SLC45A4: variants seen among roughly 807,000 people sequenced by gnomAD.
SLC45A4 encodes the protein solute carrier family 45 member 4.
In SLC45A4, 32 loss-of-function variants were observed where a neutral mutation model predicts 63.7. The observed-to-expected ratio is 0.50, with a 90% CI of 0.38 to 0.67. The LOEUF (loss-of-function observed/expected upper bound fraction) is 0.67, where lower values mean the gene tolerates loss of function less well. Ranked by LOEUF, SLC45A4 falls within the 30% of genes least tolerant of loss-of-function variation. The pLI is 0.00. For missense variants in SLC45A4, 1,027 were observed against 1,157.7 expected, an observed-to-expected ratio of 0.89 and a Z score of 1.64; for synonymous variants, 535 against 510.0, an observed-to-expected ratio of 1.05 and a Z score of -0.66.
At chr8:141,257,566 C>CGTCTCTGTTCCTAAGAG (rs1828852640) in intron 1 of SLC45A4, among the ~76,000 whole-genome samples, 1 of 152,196 alleles carries the variant, frequency 6.6e-6, no homozygotes, top group Admixed American at 6.5e-5. Context: ...GAAGTGAAGC[C>CGTCTCTGTTCCTAAGAG]GTCTCTGTTC....
At chr8:141,248,719 T>TA (rs915696778) in intron 2 of SLC45A4, among the ~76,000 whole-genome samples, 10 of 151,582 alleles carry the variant, frequency 6.6e-5, no homozygotes, top group African/African-American at 1.5e-4. Flanking sequence ...TAAGAATATA[T>TA]AAAAAAACAA....
chr8:141,250,648 G>A (rs1828419070), intron 2 of SLC45A4, among the ~76,000 whole-genome samples: 1 of 152,192 alleles, frequency 6.6e-6, no homozygotes, highest in Non-Finnish European at 1.5e-5. Flanking sequence ...CCAAAGTGTT[G>A]GGATTATAGG....
At chr8:141,258,410 C>T (rs1358806354) in intron 1 of SLC45A4, among the ~76,000 whole-genome samples, 2 of 152,236 alleles carry the variant, frequency 1.3e-5, no homozygotes, top group Non-Finnish European at 2.9e-5. Flanking sequence ...TGGTATTTCT[C>T]AGCACCTTGT....
At chr8:141,216,087 G>T in intron 6 of SLC45A4, 117 bp from the exon 7 acceptor site, 1 of 922,248 alleles carries the variant, frequency 1.1e-6, no homozygotes, top group Non-Finnish European at 1.7e-6. Flanking sequence ...CCTTCCAGCT[G>T]AACCCAGACC....
In SLC45A4 at chr8:141,278,782, T is replaced by TG. The variant is rs1289711069; in HGVS notation, c.-400-24154dup. The stretch of plus-strand genomic sequence containing the variant: ...AGGCACAGACGCACCCGCAAGGGAG[T>TG]GGGCAGCACTGCAGGATGCAGCAAG... On this transcript the variant is annotated intron_variant, in intron 1 of 8. Transcript: ENST00000517878. The surrounding 1 kb of genome is among the most constrained non-coding windows in gnomAD (Gnocchi z 4.1). Among the ~76,000 whole-genome samples the TG allele has an allele frequency of 6.6e-6, 1 of 152,164 alleles. No homozygotes were observed. The highest frequency in any genetic ancestry group is 1.5e-5 in the Non-Finnish European group (1 of 68,022).
At chr8:141,245,913 G>A (rs1318816154) in intron 2 of SLC45A4, among the ~76,000 whole-genome samples, 11 of 152,198 alleles carry the variant, frequency 7.2e-5, no homozygotes, top group Admixed American at 7.2e-4. Context: ...TTAGCTGGCT[G>A]CTCCTAGATT....
At chr8:141,305,120 T>G (rs1181427337) in intron 1 of SLC45A4, among the ~76,000 whole-genome samples, 4 of 152,240 alleles carry the variant, frequency 2.6e-5, no homozygotes, top group Admixed American at 6.5e-5. Flanking sequence ...AGCTTAGCAT[T>G]TGATACTCGG....
intron 8 of SLC45A4, chr8:141,211,915 T>G: frequency 8.0e-7 from 1 of 1,248,718 alleles, no homozygotes. Context: ...ATAAAAGAGC[T>G]GAAATTAAAA....
At chr8:141,273,907 A>ATG (rs1829632334) in intron 1 of SLC45A4, among the ~76,000 whole-genome samples, 1 of 152,252 alleles carries the variant, frequency 6.6e-6, no homozygotes, top group African/African-American at 2.4e-5. Context: ...TATTTCAGCA[A>ATG]TGTTAATGTC....
chr8:141,283,663 A>C (rs1830040599), intron 1 of SLC45A4, among the ~76,000 whole-genome samples: 1 of 152,216 alleles, frequency 6.6e-6, no homozygotes, highest in South Asian at 2.1e-4. Flanking sequence ...ATTTTCCTAC[A>C]GTGACTGCTG....
intron 1 of SLC45A4, among the ~76,000 whole-genome samples, chr8:141,280,007 C>T (rs181237369): frequency 7.9e-5 from 12 of 152,360 alleles, no homozygotes; most frequent in African/African-American, 1.9e-4. Context: ...GCGGCAGCAG[C>T]GGCGGCCACA....
Position 141,217,107 on chromosome 8 carries a change from G to A in SLC45A4, c.1712C>T (p.Thr571Ile). The A allele has an allele frequency of 6.2e-7, 1 of 1,614,020 alleles. No individual in the cohort carries two copies. The highest frequency in any genetic ancestry group is 8.5e-7 in the Non-Finnish European group (1 of 1,180,008). Residue 571 changes from threonine to isoleucine, a missense_variant, in exon 6 of 9, where the codon ACT becomes ATT. Physicochemically the swap from Thr to Ile is moderately conservative, Grantham distance 89. Transcript: ENST00000517878. ...GCWGLVIYAA[T>I]GAICSALLQK... Reference sequence around the variant, plus strand: ...GCTCTTACCTGAACAAATAGCACCAGTGGCGGCATAAATGACCAGGCCCCA... The same window carrying A: ...GCTCTTACCTGAACAAATAGCACCAATGGCGGCATAAATGACCAGGCCCCA...
In SLC45A4 at chr8:141,241,391, G is replaced by A. The variant is rs191833651; in HGVS notation, c.241+12598C>T. On this transcript the variant is annotated intron_variant, in intron 2 of 8. Transcript: ENST00000517878. ...TATGGTGCGACTGTGTAGAAGCTGG[G>A]GATGTTGCTGCCTTCGGGGAAGGGA... Among the ~76,000 whole-genome samples the A allele has an allele frequency of 9.9e-4, 150 of 152,274 alleles. 1 individual carries two copies. Among genetic ancestry groups the A allele is most frequent in the Middle Eastern group, 6.8e-3 (2 of 294 alleles).
At chr8:141,242,759 C>G (rs541333897) in intron 2 of SLC45A4, among the ~76,000 whole-genome samples, 2 of 152,184 alleles carry the variant, frequency 1.3e-5, no homozygotes, top group Non-Finnish European at 2.9e-5. Context: ...CTTCCACGAG[C>G]ACCTCAATGC....
In SLC45A4 at chr8:141,218,887, G is replaced by A. The variant is rs1431967546; in HGVS notation, c.753C>T (p.Phe251=). 2 of 1,613,568 alleles carry A rather than the reference G, an allele frequency of 1.2e-6. No homozygotes were observed. The highest frequency in any genetic ancestry group is 3.3e-5 in the Admixed American group (2 of 60,012). The change falls in exon 5 of 9, where the codon TTC becomes TTT. Residue 251 remains phenylalanine (F), a synonymous_variant. Transcript: ENST00000517878. ...IFTVSVALHL[F]SIDEEQYSPQ... is the part of the protein sequence containing the mutation. The stretch of plus-strand genomic sequence containing the variant: ...GGCTGTACTGCTCCTCGTCGATGCT[G>A]AACAGGTGCAGGGCCACGGACACCG...
rs1384164483 is a variant in SLC45A4, at chr8:141,208,427, C to T, written c.*3145G>A. ...GGTTCTAGGTGGTCACAGACCAAGT[C>T]CTCCACACCTGGGGCATTCAAGAAA... On this transcript the variant is annotated 3_prime_UTR_variant, in exon 9 of 9. Coordinates refer to ENST00000517878, the MANE Select transcript of SLC45A4 (RefSeq NM_001286646.2). The T allele has an allele frequency of 6.6e-6, 1 of 152,160 alleles. No homozygotes were observed. Among genetic ancestry groups the T allele is most frequent in the African/African-American group, 2.4e-5 (1 of 41,426 alleles). The allele number at this position is 152,160 out of a possible 1,614,324, so 9.4% of individuals were successfully genotyped here.
chr8:141,243,677 G>A (rs575510762), intron 2 of SLC45A4, among the ~76,000 whole-genome samples: 28 of 152,102 alleles, frequency 1.8e-4, no homozygotes, highest in African/African-American at 6.3e-4. Flanking sequence ...CTTGAACAAC[G>A]TGGGTTTGAA....
chr8:141,240,833 C>A (rs1041491075), intron 2 of SLC45A4, among the ~76,000 whole-genome samples: 1 of 152,266 alleles, frequency 6.6e-6, no homozygotes, highest in African/African-American at 2.4e-5. Context: ...ACCTGCCGTG[C>A]TGCAGTGGAG....
At chr8:141,248,692 C>A (rs1199069572) in intron 2 of SLC45A4, among the ~76,000 whole-genome samples, 1 of 152,028 alleles carries the variant, frequency 6.6e-6, no homozygotes, top group Non-Finnish European at 1.5e-5. Context: ...ATAGCAAAAC[C>A]TCGTCTCAAT....
Sources: gnomAD v4.1 joint callset for allele counts (sites outside exome capture counted in the v4.1 genomes callset) on GRCh38, gnomAD v4.1.1 for gene constraint, Gnocchi (gnomAD v3.1) non-coding constraint, MANE v1.5 for transcripts, NCBI Gene and HGNC (gene_info 2026-07-23, HGNC 2026-07-21) for gene names.